The following ZNF718 variants were observed in gnomAD, a reference collection of about 807,000 sequenced individuals.
The protein encoded by ZNF718 is zinc finger protein 718.
In ZNF718, 3 loss-of-function variants were observed where a neutral mutation model predicts 2.6. The ratio of observed to expected loss-of-function variants is 1.16; its 90% CI spans 0.53 to 3.01. The LOEUF (loss-of-function observed/expected upper bound fraction) is 3.01. Ranked by LOEUF, ZNF718 falls within the 30% of genes most tolerant of loss-of-function variation. The pLI is 0.03. For synonymous variants in ZNF718, 135 were observed against 77.9 expected (o/e 1.73, Z -3.86); for missense variants, 468 against 230.0 (o/e 2.03, Z -6.69).
Position 161,714 on chromosome 4 carries a change from A to T in ZNF718, c.1029A>T (p.Glu343Asp), listed in dbSNP as rs1716874655. The change falls in exon 4 of 4, where the codon GAA becomes GAT. Residue 343 changes from glutamate to aspartate, a missense_variant. Glu to Asp is a conservative substitution (Grantham distance 45, BLOSUM62 2). Coordinates refer to ENST00000510175, the MANE Select transcript of ZNF718 (RefSeq NM_001039127.6). ...GAGAGAAACCCTACAAATGTGAAGA[A>T]TGTGGAAAATCCTTTAATAGGTCCA... is the stretch of plus-strand genomic sequence containing the variant. ...HTGEKPYKCE[E>D]CGKSFNRSTT... 2.6e-6 allele frequency: 2 copies of T among 779,316 alleles called. No individual in the cohort carries two copies. The highest frequency in any genetic ancestry group is 4.8e-6 in the Non-Finnish European group (2 of 417,126). 48.3% of individuals were successfully genotyped at this position (779,316 alleles called of 1,614,324 possible). A position where few individuals can be genotyped will look rare whatever the true frequency, so the allele number is the denominator to read the frequency against.
At chr4:142,088 G>T (rs1553810355) in intron 3 of ZNF718, 1 of 519,354 alleles carries the variant, frequency 1.9e-6, no homozygotes, top group African/African-American at 1.9e-5. Flanking sequence ...TGGGCTTTAG[G>T]TTAACGGGTT....
intron 3 of ZNF718, chr4:136,399 G>T (rs1202687370): frequency 1.9e-6 from 1 of 520,406 alleles, no homozygotes; most frequent in Non-Finnish European, 3.8e-6. Context: ...TCTCCTTGCA[G>T]GTCTCTTGAT....
chr4:151,712 TCAGGTAATCCACCCACCTCAACCAAC>T (rs1716330241), intron 3 of ZNF718, among the ~76,000 whole-genome samples: 1 of 152,054 alleles, frequency 6.6e-6, no homozygotes, highest in South Asian at 2.1e-4. Flanking sequence ...ACTCCTAACC[TCAGGTAATCCACCCACCTCAACCAAC>T]CAATGTAGGG....
chr4:124,657 C>T lies in ZNF718; in HGVS notation c.-14C>T, dbSNP rs1553807598. ...TTCGTATCTAAGACTCTGGGACACT[C>T]CTGAAGTCGGGAAATGGTGAGTGTG... On this transcript the variant is annotated 5_prime_UTR_variant, in exon 1 of 4. Coordinates refer to ENST00000510175, the MANE Select transcript of ZNF718 (RefSeq NM_001039127.6). 3 of 1,608,502 alleles carry T rather than the reference C, an allele frequency of 1.9e-6. No individual in the cohort carries two copies.
intron 3 of ZNF718, among the ~76,000 whole-genome samples, chr4:176,792 CTCAT>C (rs1553819136): frequency 6.6e-6 from 1 of 152,196 alleles, no homozygotes; most frequent in Non-Finnish European, 1.5e-5. Context: ...GAAAAATAGA[CTCAT>C]TCTCTTATTC....
rs1279009662 is a variant in ZNF718 at position 124,608 on chromosome 4, C to T, written c.-63C>T. 6.9e-6 allele frequency: 11 copies of T among 1,600,268 alleles called. No individual in the cohort carries two copies. In the Admixed American group the frequency reaches 8.3e-5, roughly 12 times the overall value. On this transcript the variant is annotated 5_prime_UTR_variant, in exon 1 of 4. Coordinates refer to ENST00000510175, the MANE Select transcript of ZNF718 (RefSeq NM_001039127.6). ...TGCCACAGCCTCAGCCTCTGTGGCT[C>T]TGTGACCTGCCGGTATTGGATGATT...
intron 3 of ZNF718, among the ~76,000 whole-genome samples, chr4:148,640 A>G (rs1266408772): frequency 2.0e-5 from 3 of 149,000 alleles, no homozygotes; most frequent in Non-Finnish European, 3.0e-5. Context: ...AAAATCCACC[A>G]TTGAATAAAT....
At chr4:133,299 A>G (rs1715408793) in intron 3 of ZNF718, among the ~76,000 whole-genome samples, 1 of 150,684 alleles carries the variant, frequency 6.6e-6, no homozygotes, top group Non-Finnish European at 1.5e-5. Flanking sequence ...GATATCCACT[A>G]CCACAGATAA....
At chr4:126,985 A>G (rs1437707113) in intron 1 of ZNF718, among the ~76,000 whole-genome samples, 1 of 151,964 alleles carries the variant, frequency 6.6e-6, no homozygotes, top group Non-Finnish European at 1.5e-5. Flanking sequence ...CACCACACTC[A>G]GCTAATTTTT....
rs543309007 is a variant in ZNF718, at chr4:157,061, ATTG to A, written c.227-3845_227-3843del. On this transcript the variant is annotated intron_variant, in intron 3 of 3. Coordinates refer to ENST00000510175, the MANE Select transcript of ZNF718 (RefSeq NM_001039127.6). ...AATCAGGAGCTGTGATGCCTCCAAC[ATTG>A]TTGTTTTTCTTTTTTTCTTTTTGTT... Among the ~76,000 whole-genome samples, 742 of 134,906 alleles carry A rather than the reference ATTG, an allele frequency of 5.5e-3. 1 individual carries two copies. The highest frequency in any genetic ancestry group is 9.5e-3 in the Non-Finnish European group (591 of 62,226). 88.5% of individuals were successfully genotyped at this position (134,906 alleles called of 152,430 possible).
chr4:169,103 A>G (rs1717163144), downstream of ZNF718, among the ~76,000 whole-genome samples: 1 of 152,050 alleles, frequency 6.6e-6, no homozygotes, highest in African/African-American at 2.4e-5. Context: ...CCTTCATTTC[A>G]TTATGTACCC....
chr4:196,412 C>T (rs781919636), intron 3 of ZNF718, among the ~76,000 whole-genome samples: 4 of 151,866 alleles, frequency 2.6e-5, no homozygotes, highest in Non-Finnish European at 5.9e-5. Flanking sequence ...TGTAGAGCTT[C>T]CTTAGATACC....
chr4:147,289 T>G (rs538946416), intron 3 of ZNF718, among the ~76,000 whole-genome samples: 10 of 152,360 alleles, frequency 6.6e-5, no homozygotes, highest in East Asian at 5.8e-4. Context: ...TTTGGTGGTG[T>G]TATATTTGCC....
intron 3 of ZNF718, among the ~76,000 whole-genome samples, chr4:187,484 C>A (rs917775218): frequency 6.6e-6 from 1 of 152,176 alleles, no homozygotes; most frequent in Non-Finnish European, 1.5e-5. Context: ...CTTAGCCTCT[C>A]AAAGCACTGG....
At chr4:167,036 A>G (rs1286790940), downstream of ZNF718, among the ~76,000 whole-genome samples, 1 of 152,180 alleles carries the variant, frequency 6.6e-6, no homozygotes, top group Non-Finnish European at 1.5e-5. Context: ...TATAAGGTGT[A>G]AGGAAGGGAT....
chr4:158,048 T>TAC (rs1161102125), intron 3 of ZNF718, among the ~76,000 whole-genome samples: 1 of 152,196 alleles, frequency 6.6e-6, no homozygotes, highest in African/African-American at 2.4e-5. Flanking sequence ...TATGTATATA[T>TAC]ACACACATTT....
chr4:145,574 C>T (rs1716013830), intron 3 of ZNF718, among the ~76,000 whole-genome samples: 1 of 152,088 alleles, frequency 6.6e-6, no homozygotes, highest in Non-Finnish European at 1.5e-5. Flanking sequence ...GCAATCTTCC[C>T]ACCTTACCCT....
rs565450687 is a variant in ZNF718, at chr4:172,403, T to C, written c.227-28678T>C. On this transcript the variant is annotated intron_variant and NMD_transcript_variant, in intron 3 of 4. Transcript: ENST00000642529. ...GAAAAACTCATGTAATGAAAATACA[T>C]TTGTGTTAAAGCATGTATTAATGTA... Among the ~76,000 whole-genome samples the C allele has an allele frequency of 2.0e-5, 3 of 152,328 alleles. No individual in the cohort carries two copies. The East Asian group carries it at 5.8e-4, about 29-fold the overall frequency.
In ZNF718 at chr4:175,283, A is replaced by G. The variant is rs187977011; in HGVS notation, c.227-25798A>G. On this transcript the variant is annotated intron_variant and NMD_transcript_variant, in intron 3 of 4. Transcript: ENST00000642529. Reference sequence around the variant, plus strand: ...CTTTTGGATCGCAACTAACCTCTTTACAAAAGAACCCCTTTACTGTCATAC... The same window carrying G: ...CTTTTGGATCGCAACTAACCTCTTTGCAAAAGAACCCCTTTACTGTCATAC... 1.1e-3 allele frequency among the ~76,000 whole-genome samples: 175 copies of G among 152,290 alleles called. 2 individuals carry two copies. Among genetic ancestry groups the G allele is most frequent in the African/African-American group, 4.0e-3 (167 of 41,558 alleles).
Sources: allele counts gnomAD v4.1 joint callset (sites outside exome capture counted in the v4.1 genomes callset), GRCh38; gene constraint gnomAD v4.1.1; transcripts MANE v1.5; gene names NCBI Gene and HGNC (gene_info 2026-07-23, HGNC 2026-07-21).